Variants in OR1M1 observed in about 807,000 individuals in gnomAD.
The protein encoded by OR1M1 is olfactory receptor 1M1.
For missense variants in OR1M1, 397 were observed against 401.8 expected (o/e 0.99, Z 0.10); for synonymous variants, 157 against 165.5 (o/e 0.95, Z 0.39).
intron 1 of OR1M1, among the ~76,000 whole-genome samples, chr19:9,089,423 T>A (rs1207196445): frequency 2.2e-4 from 3 of 13,440 alleles, no homozygotes; most frequent in African/African-American, 1.9e-3. Flanking sequence ...TCTACCACAT[T>A]TTTTTTTTTT....
rs7259007 is a variant in OR1M1, at chr19:9,093,682, C to A, written c.438C>A (p.Gly146=). The change falls in exon 2 of 2, where the codon GGC becomes GGA. Residue 146 remains glycine (G), a synonymous_variant. Coordinates refer to ENST00000641627, the MANE Select transcript of OR1M1 (RefSeq NM_001004456.2). The part of the protein sequence containing the change: ...MSLRLCRLLV[G]ALWAFSCFIS... ...TACGCCTCTGTCGCCTGCTGGTCGG[C>A]GCCCTCTGGGCGTTTTCCTGCTTCA... The A allele has an allele frequency of 1.4e-5, 22 of 1,614,024 alleles. No individual in the cohort carries two copies. Among genetic ancestry groups the A allele is most frequent in the Non-Finnish European group, 1.9e-5 (22 of 1,179,968 alleles).
In OR1M1 at chr19:9,088,875, C is replaced by T. The variant is rs974523013; in HGVS notation, c.-14+1718C>T. On this transcript the variant is annotated intron_variant, in intron 1 of 1. Transcript: ENST00000641627. The stretch of plus-strand genomic sequence containing the variant: ...TGCACTCCTGCCTGAGCAACAAGAG[C>T]GAAACTCTGTCTCAAAAAAAAAAAA... 1.7e-4 allele frequency among the ~76,000 whole-genome samples: 15 copies of T among 88,746 alleles called. No homozygotes were observed. In the East Asian group the frequency reaches 3.6e-3, roughly 21 times the overall value. The allele number at this position is 88,746 out of a possible 152,430, so 58.2% of individuals were successfully genotyped here.
chr19:9,091,123 T>A (rs2335070), intron 1 of OR1M1, among the ~76,000 whole-genome samples: 8 of 151,488 alleles, frequency 5.3e-5, no homozygotes, highest in African/African-American at 1.9e-4. Flanking sequence ...GCCGAGATCG[T>A]GCCACCGCAC....
Position 9,093,337 on chromosome 19 carries a change from C to T in OR1M1, c.93C>T (p.Phe31=). 1 of 1,613,898 alleles carries T rather than the reference C, an allele frequency of 6.2e-7. No homozygotes were observed. Among genetic ancestry groups the T allele is most frequent in the Non-Finnish European group, 8.5e-7 (1 of 1,179,932 alleles). ...PEQETLLFSL[F]FCMYLVMVVG... The stretch of plus-strand genomic sequence containing the variant: ...AGGAGACGCTTCTCTTTTCCCTGTT[C>T]TTCTGCATGTACCTGGTCATGGTCG... The change falls in exon 2 of 2, where the codon TTC becomes TTT. Residue 31 remains phenylalanine, a synonymous_variant. Coordinates refer to ENST00000641627, the MANE Select transcript of OR1M1 (RefSeq NM_001004456.2).
chr19:9,094,258 G>C lies in OR1M1; in HGVS notation c.*72G>C. 1.2e-6 allele frequency: 1 copy of C among 836,834 alleles called. No individual in the cohort carries two copies. Among genetic ancestry groups the C allele is most frequent in the South Asian group, 1.7e-5 (1 of 58,092 alleles). 51.8% of individuals were successfully genotyped at this position (836,834 alleles called of 1,614,324 possible). A position where few individuals can be genotyped will look rare whatever the true frequency, so the allele number is the denominator to read the frequency against. On this transcript the variant is annotated 3_prime_UTR_variant, in exon 2 of 2. Transcript: ENST00000641627. ...GAGTCTTGGGCTAACATCTGGAATT[G>C]CATGAGTTGAAGAGTAGGCACTTTG...
Position 9,094,222 on chromosome 19 carries a change from T to C in OR1M1, c.*36T>C. The C allele has an allele frequency of 7.5e-7, 1 of 1,332,530 alleles. No individual in the cohort carries two copies. The highest frequency in any genetic ancestry group is 1.3e-5 in the South Asian group (1 of 79,916). 82.5% of individuals were successfully genotyped at this position (1,332,530 alleles called of 1,614,324 possible). A position where few individuals can be genotyped will look rare whatever the true frequency, so the allele number is the denominator to read the frequency against. On this transcript the variant is annotated 3_prime_UTR_variant, in exon 2 of 2. Coordinates refer to ENST00000641627, the MANE Select transcript of OR1M1 (RefSeq NM_001004456.2). ...TCAGGAACTTCTGGGGGGTAGAATA[T>C]ATACATCTGGGAGTCTTGGGCTAAC...
Position 9,093,863 on chromosome 19 carries a change from A to G in OR1M1, c.619A>G (p.Ile207Val). 6.2e-7 allele frequency: 1 copy of G among 1,614,084 alleles called. No homozygotes were observed. The highest frequency in any genetic ancestry group is 8.5e-7 in the Non-Finnish European group (1 of 1,180,028). Residue 207 changes from isoleucine (I) to valine (V), a missense_variant, in exon 2 of 2, where the codon ATA becomes GTA. Physicochemically the swap from Ile to Val is conservative, Grantham distance 29. Coordinates refer to ENST00000641627, the MANE Select transcript of OR1M1 (RefSeq NM_001004456.2). ...CATCCTCATTGTGGCAGGGATGGTG[A>G]TAGCCACGCCCTTTGTCTGCATCCT... The part of the protein sequence containing the change: ...IFILIVAGMV[I>V]ATPFVCILAS...
intron 1 of OR1M1, among the ~76,000 whole-genome samples, chr19:9,091,697 G>A (rs1020459656): frequency 1.3e-5 from 2 of 152,040 alleles, no homozygotes; most frequent in African/African-American, 2.4e-5. Context: ...AGTTCGACTT[G>A]TAGAGGATGT....
At chr19:9,087,858 A>C (rs1055256578) in intron 1 of OR1M1, among the ~76,000 whole-genome samples, 7 of 151,996 alleles carry the variant, frequency 4.6e-5, no homozygotes. Context: ...TTTACCTAAA[A>C]ACCATGATTA....
In OR1M1 at chr19:9,094,103, C is replaced by A. The variant is rs1293659585; in HGVS notation, c.859C>A (p.Pro287Thr). Residue 287 changes from proline to threonine, a missense_variant, in exon 2 of 2, where the codon CCC becomes ACC. Transcript: ENST00000641627. ...CACAGCAGTCACCCCCATGCTGAAT[C>A]CCTTCATCTACAGCTTGAGGAACAG... ...MYTAVTPMLN[P>T]FIYSLRNRDL... 1.2e-6 allele frequency: 2 copies of A among 1,613,832 alleles called. No homozygotes were observed. Among genetic ancestry groups the A allele is most frequent in the Admixed American group, 3.3e-5 (2 of 59,978 alleles).
chr19:9,088,160 G>A (rs558071901), intron 1 of OR1M1, among the ~76,000 whole-genome samples: 64 of 152,250 alleles, frequency 4.2e-4, no homozygotes, highest in African/African-American at 1.5e-3. Flanking sequence ...CAAAGTTCTG[G>A]TATTACAAGC....
At position 9,093,928 on chromosome 19, in the gene OR1M1, C is replaced by T. The variant is rs1258092569; in HGVS notation, c.684C>T (p.Val228=). The T allele has an allele frequency of 1.9e-6, 3 of 1,614,138 alleles. No homozygotes were observed. Among genetic ancestry groups the T allele is most frequent in the South Asian group, 2.2e-5 (2 of 91,090 alleles). The part of the protein sequence containing the change: ...YARILVAIMK[V]PSAGGRKKAF... The stretch of plus-strand genomic sequence containing the variant: ...GCATCCTTGTGGCCATCATGAAGGT[C>T]CCCTCTGCAGGCGGCAGGAAGAAAG... The change falls in exon 2 of 2, where the codon GTC becomes GTT. Residue 228 remains valine (V), a synonymous_variant. Transcript: ENST00000641627.
chr19:9,090,521 C>T (rs1181055715), intron 1 of OR1M1, among the ~76,000 whole-genome samples: 3 of 152,020 alleles, frequency 2.0e-5, no homozygotes, highest in Admixed American at 1.3e-4. Context: ...AGTGCAGTGG[C>T]GCAATCGGGG....
Position 9,094,537 on chromosome 19 carries a change from TTTTG to T in OR1M1, c.*359_*362del, listed in dbSNP as rs973099639. ...ACCACGCCGAGCCTCACTTTGAATTTTTTGTTTGTTTTTGTTTTTTGAGACAGAG... is the reference window on the plus strand; with the variant it reads ...ACCACGCCGAGCCTCACTTTGAATTTTTTGTTTTTGTTTTTTGAGACAGAG... On this transcript the variant is annotated 3_prime_UTR_variant, in exon 2 of 2. Transcript: ENST00000641627. 5.5e-6 allele frequency: 1 copy of T among 182,604 alleles called. No homozygotes were observed. The highest frequency in any genetic ancestry group is 1.1e-5 in the Non-Finnish European group (1 of 87,392). 11.3% of individuals were successfully genotyped at this position (182,604 alleles called of 1,614,324 possible). A position where few individuals can be genotyped will look rare whatever the true frequency, so the allele number is the denominator to read the frequency against.
intron 1 of OR1M1, among the ~76,000 whole-genome samples, chr19:9,091,283 G>A (rs149338460): frequency 2.0e-5 from 3 of 151,850 alleles, no homozygotes; most frequent in East Asian, 3.9e-4. Flanking sequence ...GATGTCAGGC[G>A]TTCGAGACCA....
rs945909376 is a variant in OR1M1 at position 9,087,162 on chromosome 19, G to A, written c.-14+5G>A. 1.0e-5 allele frequency: 1 copy of A among 98,884 alleles called. No homozygotes were observed. The highest frequency in any genetic ancestry group is 2.0e-5 in the Non-Finnish European group (1 of 49,438). 6.1% of individuals were successfully genotyped at this position (98,884 alleles called of 1,614,324 possible). The stretch of plus-strand genomic sequence containing the variant: ...AAGAAGAGGAAAGATAGCCCAGTGA[G>A]TGAGCTGAGAGAGAGAGAGAGAGAG... On this transcript the variant is annotated splice_donor_5th_base_variant and intron_variant, in intron 1 of 1. Coordinates refer to ENST00000641627, the MANE Select transcript of OR1M1 (RefSeq NM_001004456.2).
At chr19:9,090,776 G>A (rs2050287986) in intron 1 of OR1M1, among the ~76,000 whole-genome samples, 1 of 152,000 alleles carries the variant, frequency 6.6e-6, no homozygotes, top group African/African-American at 2.4e-5. Flanking sequence ...GATGCATGAG[G>A]CTAGCTTAAG....
At chr19:9,088,426 G>A (rs1038969286) in intron 1 of OR1M1, among the ~76,000 whole-genome samples, 1 of 152,096 alleles carries the variant, frequency 6.6e-6, no homozygotes, top group Admixed American at 6.6e-5. Flanking sequence ...TGAATCTTCG[G>A]GTTCCTGATA....
chr19:9,093,109 C>CACACAT (rs572607972), intron 1 of OR1M1, 123 bp from the exon 2 acceptor site: 14,597 of 483,834 alleles, frequency 0.03, 123 homozygotes, highest in Middle Eastern at 0.044. Flanking sequence ...CACACACACA[C>CACACAT]ATATATATAT....
Sources: allele counts gnomAD v4.1 joint callset (sites outside exome capture counted in the v4.1 genomes callset), GRCh38; gene constraint gnomAD v4.1.1; transcripts MANE v1.5; gene names NCBI Gene and HGNC (gene_info 2026-07-23, HGNC 2026-07-21).